Variants in AGAP1 observed in about 807,000 individuals in gnomAD.
AGAP1 encodes ArfGAP with GTPase domain, ankyrin repeat and PH domain 1, also known as arf-GAP with GTPase, ANK repeat and PH domain-containing protein 1.
In AGAP1, 29 loss-of-function variants were observed where a neutral mutation model predicts 105.3. The ratio of observed to expected loss-of-function variants is 0.28; its 90% CI spans 0.21 to 0.38. AGAP1 has a LOEUF of 0.38. Among genes scored for constraint, AGAP1 ranks in the 10% least tolerant of loss-of-function variants. The pLI is 1.00. For synonymous variants in AGAP1, 509 were observed against 485.9 expected (o/e 1.05, Z -0.63); for missense variants, 998 against 1,165.1 (o/e 0.86, Z 2.09).
At position 235,614,771 on chromosome 2, in the gene AGAP1, C is replaced by G. The variant is rs993369885; in HGVS notation, c.164-94408C>G. Among the ~76,000 whole-genome samples the G allele has an allele frequency of 2.6e-5, 4 of 152,182 alleles. No homozygotes were observed. The highest frequency in any genetic ancestry group is 9.7e-5 in the African/African-American group (4 of 41,450). ...GAATTCTTTTGTGGGAAATAGAACA[C>G]AGCGTTGGGTACCAAGAGGGTGCTG... On this transcript the variant is annotated intron_variant, in intron 1 of 17. Coordinates refer to ENST00000304032, the MANE Select transcript of AGAP1 (RefSeq NM_001037131.3). This position sits in a 1 kb window ranked among gnomAD's most constrained non-coding sequence, Gnocchi z 4.7.
chr2:235,974,260 G>A (rs1422172589), intron 13 of AGAP1, among the ~76,000 whole-genome samples: 3 of 152,206 alleles, frequency 2.0e-5, no homozygotes, highest in Non-Finnish European at 4.4e-5. Flanking sequence ...GCAAGTCTTT[G>A]AGGTATGTGG....
rs932681456 is a variant in AGAP1 at position 235,734,600 on chromosome 2, A to T, written c.311-6363A>T. 6.6e-6 allele frequency among the ~76,000 whole-genome samples: 1 copy of T among 152,226 alleles called. No homozygotes were observed. Among genetic ancestry groups the T allele is most frequent in the African/African-American group, 2.4e-5 (1 of 41,454 alleles). ...AAATCAACAGTAAAAAATGAAAGTT[A>T]CAGACAGGTGTCTGTCTTTTTAGTT... is the stretch of plus-strand genomic sequence containing the variant. On this transcript the variant is annotated intron_variant, in intron 3 of 17. Transcript: ENST00000304032. This position sits in a 1 kb window ranked among gnomAD's most constrained non-coding sequence, Gnocchi z 5.3.
In AGAP1 at chr2:235,865,009, T is replaced by C. The variant is rs1032796861; in HGVS notation, c.1051-18336T>C. Among the ~76,000 whole-genome samples the C allele has an allele frequency of 5.3e-5, 8 of 152,316 alleles. No individual in the cohort carries two copies. In the East Asian group the frequency reaches 1.4e-3, roughly 26 times the overall value. ...AAACACAACAAACTTTTTATTTCTT[T>C]CCCTGTCATTGTTCTTGGTCTTGTT... is the stretch of plus-strand genomic sequence containing the variant. On this transcript the variant is annotated intron_variant, in intron 9 of 17. Coordinates refer to ENST00000304032, the MANE Select transcript of AGAP1 (RefSeq NM_001037131.3). The surrounding 1 kb of genome is among the most constrained non-coding windows in gnomAD (Gnocchi z 6.2).
chr2:235,821,151 A>G (rs1958764552), intron 9 of AGAP1, among the ~76,000 whole-genome samples: 1 of 152,228 alleles, frequency 6.6e-6, no homozygotes, highest in African/African-American at 2.4e-5. Flanking sequence ...TCTGGGAGCT[A>G]CAAATTTTCA....
intron 11 of AGAP1, among the ~76,000 whole-genome samples, chr2:235,918,101 T>G (rs1023443118): frequency 1.3e-5 from 2 of 152,220 alleles, no homozygotes; most frequent in East Asian, 3.9e-4. Context: ...CCTGCCGGCA[T>G]GCGGTGTGGC....
Position 235,988,409 on chromosome 2 carries a change from G to A in AGAP1, c.1645+19786G>A, listed in dbSNP as rs755326443. ...CTGTCCCTGCTGCCATGAATCAGTC[G>A]CACCTGCTTCAGATACTACTCAGAA... On this transcript the variant is annotated intron_variant, in intron 13 of 17. Coordinates refer to ENST00000304032, the MANE Select transcript of AGAP1 (RefSeq NM_001037131.3). The surrounding 1 kb of genome is among the most constrained non-coding windows in gnomAD (Gnocchi z 4.7). 2.0e-5 allele frequency among the ~76,000 whole-genome samples: 3 copies of A among 152,054 alleles called. No individual in the cohort carries two copies. The highest frequency in any genetic ancestry group is 1.9e-4 in the East Asian group (1 of 5,172).
At chr2:235,876,539 C>T (rs2049737594) in intron 9 of AGAP1, among the ~76,000 whole-genome samples, 3 of 152,206 alleles carry the variant, frequency 2.0e-5, no homozygotes, top group Admixed American at 2.0e-4. Context: ...GGCCGCCTTG[C>T]CTGCCTGGGG....
In AGAP1 at chr2:235,888,860, C is replaced by T. The variant is rs982312516; in HGVS notation, c.1155+5411C>T. Reference sequence around the variant, plus strand: ...CATACCTTTGTTTGGGAAAGACACCCCAGCAGTGGGGAGCTCTGGCTTTCA... The same window carrying T: ...CATACCTTTGTTTGGGAAAGACACCTCAGCAGTGGGGAGCTCTGGCTTTCA... On this transcript the variant is annotated intron_variant, in intron 10 of 17. Transcript: ENST00000304032. This position sits in a 1 kb window ranked among gnomAD's most constrained non-coding sequence, Gnocchi z 4.8. Among the ~76,000 whole-genome samples, 4 of 152,174 alleles carry T rather than the reference C, an allele frequency of 2.6e-5. No homozygotes were observed.
At chr2:235,885,152 G>T (rs966297477) in intron 10 of AGAP1, among the ~76,000 whole-genome samples, 2 of 152,190 alleles carry the variant, frequency 1.3e-5, no homozygotes, top group African/African-American at 4.8e-5. Flanking sequence ...ATTTTAGGGT[G>T]CATACTCCCG....
At position 236,074,054 on chromosome 2, in the gene AGAP1, G is replaced by T. The variant is rs373396637; in HGVS notation, c.2114+24773G>T. Among the ~76,000 whole-genome samples the T allele has an allele frequency of 9.8e-5, 15 of 152,348 alleles. No individual in the cohort carries two copies. The East Asian group carries it at 2.7e-3, about 27-fold the overall frequency. On this transcript the variant is annotated intron_variant, in intron 16 of 17. Coordinates refer to ENST00000304032, the MANE Select transcript of AGAP1 (RefSeq NM_001037131.3). ...AGACATCCTGGATTGTCCCAGCGTG[G>T]TGGGGGGCTGGGGAGCCCCTGCTAG...
At chr2:235,841,291 G>A (rs1174877241) in intron 9 of AGAP1, among the ~76,000 whole-genome samples, 1 of 152,126 alleles carries the variant, frequency 6.6e-6, no homozygotes, top group Non-Finnish European at 1.5e-5. Flanking sequence ...ACCAACAGTC[G>A]CCGCTCACTA....
At chr2:235,778,648 C>G (rs1201949186) in intron 6 of AGAP1, among the ~76,000 whole-genome samples, 1 of 152,218 alleles carries the variant, frequency 6.6e-6, no homozygotes, top group Non-Finnish European at 1.5e-5. Context: ...ACTGGAGACG[C>G]AGTGCCAGGG....
chr2:235,955,107 G>A (rs1159405612), intron 12 of AGAP1, among the ~76,000 whole-genome samples: 1 of 152,186 alleles, frequency 6.6e-6, no homozygotes, highest in Non-Finnish European at 1.5e-5. Context: ...TTCATTTCCT[G>A]TGTGAAGAAA....
intron 9 of AGAP1, among the ~76,000 whole-genome samples, chr2:235,831,549 A>T (rs1003451468): frequency 6.6e-6 from 1 of 152,192 alleles, no homozygotes; most frequent in African/African-American, 2.4e-5. Context: ...GATGCCATAG[A>T]GTTGGAATGA....
chr2:235,852,162 C>T (rs770835373), intron 9 of AGAP1, among the ~76,000 whole-genome samples: 5 of 152,114 alleles, frequency 3.3e-5, no homozygotes, highest in East Asian at 1.9e-4. Context: ...ATTTTTCCCC[C>T]GTTTCTGATT....
Position 235,909,512 on chromosome 2 carries a change from T to G in AGAP1, c.1324+606T>G, listed in dbSNP as rs528395696. 2.6e-5 allele frequency among the ~76,000 whole-genome samples: 4 copies of G among 152,320 alleles called. No homozygotes were observed. In the East Asian group the frequency reaches 7.7e-4, roughly 29 times the overall value. Reference sequence around the variant, plus strand: ...TGCAAGCCATCCAAAATGACATTGTTCATTTTATTTACGTTTTTGCAAATA... The same window carrying G: ...TGCAAGCCATCCAAAATGACATTGTGCATTTTATTTACGTTTTTGCAAATA... On this transcript the variant is annotated intron_variant, in intron 11 of 17. Coordinates refer to ENST00000304032, the MANE Select transcript of AGAP1 (RefSeq NM_001037131.3).
intron 15 of AGAP1, among the ~76,000 whole-genome samples, chr2:236,043,509 C>T (rs1438600833): frequency 6.6e-6 from 1 of 152,102 alleles, no homozygotes; most frequent in African/African-American, 2.4e-5. Flanking sequence ...GGCGGATCAC[C>T]TGAGGTCAGG....
rs561830677 is a variant in AGAP1, at chr2:236,053,818, G to A, written c.2114+4537G>A. Among the ~76,000 whole-genome samples the A allele has an allele frequency of 1.3e-5, 2 of 152,386 alleles. No individual in the cohort carries two copies. The highest frequency in any genetic ancestry group is 4.1e-4 in the South Asian group (2 of 4,830). On this transcript the variant is annotated intron_variant, in intron 16 of 17. Coordinates refer to ENST00000304032, the MANE Select transcript of AGAP1 (RefSeq NM_001037131.3). This position sits in a 1 kb window ranked among gnomAD's most constrained non-coding sequence, Gnocchi z 4.6. Reference sequence around the variant, plus strand: ...AATTCCGTGAAAGAGCTCTTGAGAGGCGCTTTAAGCGCAACTGAAATCACC... The same window carrying A: ...AATTCCGTGAAAGAGCTCTTGAGAGACGCTTTAAGCGCAACTGAAATCACC...
In AGAP1 at chr2:235,931,925, C is replaced by T. The variant is rs1053347161; in HGVS notation, c.1483+1002C>T. ...TGGAGCAGACACACACAGCGTCACG[C>T]GGCTGCCCCGGCTGGCCCATTCCCA... is the stretch of plus-strand genomic sequence containing the variant. On this transcript the variant is annotated intron_variant, in intron 12 of 17. Transcript: ENST00000304032. This position sits in a 1 kb window ranked among gnomAD's most constrained non-coding sequence, Gnocchi z 5.6. 1.3e-5 allele frequency among the ~76,000 whole-genome samples: 2 copies of T among 152,112 alleles called. No individual in the cohort carries two copies. Among genetic ancestry groups the T allele is most frequent in the East Asian group, 1.9e-4 (1 of 5,166 alleles).
Sources: gnomAD v4.1 joint callset for allele counts (sites outside exome capture counted in the v4.1 genomes callset) on GRCh38, gnomAD v4.1.1 for gene constraint, Gnocchi (gnomAD v3.1) non-coding constraint, MANE v1.5 for transcripts, NCBI Gene and HGNC (gene_info 2026-07-23, HGNC 2026-07-21) for gene names.